Variants in MAP7 observed in about 807,000 individuals in gnomAD.
MAP7 encodes the protein ensconsin.
A neutral mutation model predicts 94.8 loss-of-function variants in MAP7; 52 were observed. The ratio of observed to expected loss-of-function variants is 0.55; its 90% confidence interval spans 0.44 to 0.69. MAP7 has a LOEUF of 0.69. Ranked by LOEUF, MAP7 falls within the 30% of genes least tolerant of loss-of-function variation. The probability of loss-of-function intolerance (pLI) is 0.00; values close to 1 mark genes in which losing one functional copy is unlikely to be tolerated. For synonymous variants in MAP7, 350 were observed against 357.0 expected, an observed-to-expected ratio of 0.98 and a Z score of 0.22; for missense variants, 940 against 964.6, an observed-to-expected ratio of 0.97 and a Z score of 0.34.
In MAP7 at chr6:136,478,326, T is replaced by C. The variant is rs374210799; in HGVS notation, c.68-56527A>G. Among the ~76,000 whole-genome samples the C allele has an allele frequency of 9.2e-5, 14 of 152,304 alleles. No individual in the cohort carries two copies. The East Asian group carries it at 1.7e-3, about 19-fold the overall frequency. On this transcript the variant is annotated intron_variant, in intron 1 of 17. Transcript: ENST00000354570. ...GGCCAGGTGTGGTGGCTCAGGCCTG[T>C]AATCCCACCATTTTCGGAGGCCAAG...
chr6:136,418,658 G>A (rs1790292161), intron 2 of MAP7, among the ~76,000 whole-genome samples: 1 of 152,174 alleles, frequency 6.6e-6, no homozygotes, highest in African/African-American at 2.4e-5. Flanking sequence ...AAACTTACTA[G>A]ATTAAAAGGG....
Position 136,421,832 on chromosome 6 carries a change from T to C in MAP7, c.68-33A>G, listed in dbSNP as rs112089055. 1.4e-3 allele frequency: 2,197 copies of C among 1,516,800 alleles called. 36 individuals are homozygous for C. The African/African-American group carries it at 0.027, about 19-fold the overall frequency. The allele number at this position is 1,516,800 out of a possible 1,614,324, so 94.0% of individuals were successfully genotyped here. ...AATGAGACAAAAGAGAAAAGACACA[T>C]TTAGTTTCTTAAAATTTCTTCAGAA... is the stretch of plus-strand genomic sequence containing the variant. On this transcript the variant is annotated intron_variant, in intron 1 of 17. Transcript: ENST00000354570.
At chr6:136,484,838 G>T (rs991892872) in intron 1 of MAP7, among the ~76,000 whole-genome samples, 1 of 152,102 alleles carries the variant, frequency 6.6e-6, no homozygotes, top group Admixed American at 6.6e-5. Context: ...TAGGATTACA[G>T]ACAAGTACCA....
At chr6:136,477,379 A>G (rs1332163901) in intron 1 of MAP7, among the ~76,000 whole-genome samples, 1 of 152,248 alleles carries the variant, frequency 6.6e-6, no homozygotes, top group Non-Finnish European at 1.5e-5. Flanking sequence ...GAAGTGATAA[A>G]GATTAAAGAG....
intron 2 of MAP7, among the ~76,000 whole-genome samples, chr6:136,418,749 T>C (rs1156475414): frequency 1.3e-5 from 2 of 152,138 alleles, no homozygotes; most frequent in South Asian, 2.1e-4. Context: ...TAATGAACTT[T>C]TTTTTTTCAA....
chr6:136,415,752 A>G (rs1789196938), intron 2 of MAP7, among the ~76,000 whole-genome samples: 1 of 152,250 alleles, frequency 6.6e-6, no homozygotes, highest in South Asian at 2.1e-4. Flanking sequence ...CTTTTATACA[A>G]TTAAAAATAA....
rs766822870 is a variant in MAP7, at chr6:136,362,430, G to A, written c.1526+20C>T. On this transcript the variant is annotated intron_variant, in intron 11 of 17. Transcript: ENST00000354570. ...AAAGTATCACTGACACCATGGTGTG[G>A]AGCAATGTCTCCCATTTACCTTTCA... 3.1e-6 allele frequency: 5 copies of A among 1,612,070 alleles called. No individual in the cohort carries two copies. The South Asian group carries it at 5.5e-5, about 18-fold the overall frequency.
At chr6:136,479,813 T>G (rs1028751042) in intron 1 of MAP7, among the ~76,000 whole-genome samples, 2 of 151,906 alleles carry the variant, frequency 1.3e-5, no homozygotes, top group Non-Finnish European at 2.9e-5. Context: ...TATCTTCAAG[T>G]AAAACTGTAA....
chr6:136,473,381 T>C lies in MAP7; in HGVS notation c.68-51582A>G, dbSNP rs147323578. On this transcript the variant is annotated intron_variant, in intron 1 of 17. Transcript: ENST00000354570. Reference sequence around the variant, plus strand: ...AGTCAATTCCAGTGGCACTGGGATATAATAACAAGCTGCAATCTCAAAGTT... The same window carrying C: ...AGTCAATTCCAGTGGCACTGGGATACAATAACAAGCTGCAATCTCAAAGTT... 2.8e-3 allele frequency among the ~76,000 whole-genome samples: 426 copies of C among 152,312 alleles called. 3 individuals are homozygous for C. The highest frequency in any genetic ancestry group is 9.8e-3 in the African/African-American group (407 of 41,570).
chr6:136,367,881 C>CT (rs11403174), intron 8 of MAP7, among the ~76,000 whole-genome samples: 114,188 of 150,630 alleles, frequency 0.76, 44,090 homozygotes, highest in Middle Eastern at 0.85. Flanking sequence ...AGTAGCCCTT[C>CT]TTTTTTTTTC....
chr6:136,371,653 G>C (rs915557488), intron 8 of MAP7, among the ~76,000 whole-genome samples: 1 of 152,208 alleles, frequency 6.6e-6, no homozygotes. Context: ...TTCATCAAAA[G>C]GGTCATACTG....
At chr6:136,411,048 C>T (rs1350352450) in intron 3 of MAP7, among the ~76,000 whole-genome samples, 1 of 152,238 alleles carries the variant, frequency 6.6e-6, no homozygotes, top group Non-Finnish European at 1.5e-5. Flanking sequence ...TTTTAGAAGA[C>T]AATGACTGTA....
chr6:136,533,627 G>A (rs1319149474), intron 1 of MAP7, among the ~76,000 whole-genome samples: 1 of 152,188 alleles, frequency 6.6e-6, no homozygotes, highest in East Asian at 1.9e-4. Context: ...TCTGCAGACT[G>A]TACAAGGAGC....
chr6:136,436,721 C>T (rs966643221), intron 1 of MAP7, among the ~76,000 whole-genome samples: 1 of 152,034 alleles, frequency 6.6e-6, no homozygotes, highest in African/African-American at 2.4e-5. Flanking sequence ...TCACTGTGGA[C>T]AAGTATTTAT....
chr6:136,392,399 T>C (rs1412985138), intron 3 of MAP7, among the ~76,000 whole-genome samples: 1 of 150,888 alleles, frequency 6.6e-6, no homozygotes, highest in Admixed American at 6.6e-5. Flanking sequence ...TTTTTTTTTT[T>C]TTTTTTTTTT....
At chr6:136,525,501 A>G (rs1160111852) in intron 1 of MAP7, among the ~76,000 whole-genome samples, 2 of 152,232 alleles carry the variant, frequency 1.3e-5, no homozygotes, top group Non-Finnish European at 2.9e-5. Context: ...TTAAACCTTG[A>G]TAACTCAGTA....
chr6:136,493,348 C>T (rs916241731), intron 1 of MAP7, among the ~76,000 whole-genome samples: 2 of 152,124 alleles, frequency 1.3e-5, no homozygotes, highest in Admixed American at 1.3e-4. Context: ...GTCTCGAACT[C>T]CTGACCTCAG....
chr6:136,345,489 G>A (rs1787419950), intron 17 of MAP7, among the ~76,000 whole-genome samples: 1 of 152,114 alleles, frequency 6.6e-6, no homozygotes, highest in Admixed American at 6.5e-5. Flanking sequence ...TTCTCTAGTG[G>A]GCAGCACTAG....
At chr6:136,359,905 T>C in intron 14 of MAP7, 28 bp from the exon 15 acceptor site, 1 of 1,611,858 alleles carries the variant, frequency 6.2e-7, no homozygotes, top group Non-Finnish European at 8.5e-7. Flanking sequence ...AGAGGACTTT[T>C]AAAAATTAGA....
Sources: allele counts gnomAD v4.1 joint callset (sites outside exome capture counted in the v4.1 genomes callset), GRCh38; gene constraint gnomAD v4.1.1; transcripts MANE v1.5; gene names NCBI Gene and HGNC (gene_info 2026-07-23, HGNC 2026-07-21).